Variants in KLHDC4 observed in about 807,000 individuals in gnomAD.
KLHDC4 encodes kelch domain-containing protein 4.
In KLHDC4, 90 loss-of-function variants were observed where a neutral mutation model predicts 62.4. The observed-to-expected ratio is 1.44, with a 90% CI of 1.22 to 1.72. The LOEUF (loss-of-function observed/expected upper bound fraction) is 1.72, where lower values mean the gene tolerates loss of function less well. Among genes scored for constraint, KLHDC4 ranks in the 40% most tolerant of loss-of-function variants. KLHDC4 has a pLI of 0.00. For missense variants in KLHDC4, 1,025 were observed against 699.7 expected (o/e 1.47, Z -5.25); for synonymous variants, 386 against 284.4 (o/e 1.36, Z -3.59).
intron 7 of KLHDC4, among the ~76,000 whole-genome samples, chr16:87,720,650 C>T (rs371461333): frequency 2.6e-5 from 4 of 152,360 alleles, no homozygotes; most frequent in East Asian, 1.9e-4. Flanking sequence ...CGCCCAACCA[C>T]GTGTCGCGAG....
intron 7 of KLHDC4, among the ~76,000 whole-genome samples, chr16:87,716,659 G>T (rs755076395): frequency 6.6e-6 from 1 of 152,160 alleles, no homozygotes; most frequent in African/African-American, 2.4e-5. Flanking sequence ...GGCCGGGCAC[G>T]GTGGCTTACA....
intron 6 of KLHDC4, among the ~76,000 whole-genome samples, chr16:87,728,672 T>C (rs558970723): frequency 1.3e-5 from 2 of 152,164 alleles, no homozygotes; most frequent in Non-Finnish European, 2.9e-5. Context: ...TTATTTGTTT[T>C]AAAATAAATT....
intron 5 of KLHDC4, 114 bp downstream of exon 5, chr16:87,748,559 T>C (rs2043397824): frequency 4.4e-6 from 6 of 1,356,438 alleles, no homozygotes; most frequent in Non-Finnish European, 6.1e-6. Context: ...TCCAGGACTG[T>C]GACCCAAGTT....
intron 8 of KLHDC4, among the ~76,000 whole-genome samples, chr16:87,713,768 GGCTGTCCCCTAGGTCATC>G (rs1181375223): frequency 6.6e-6 from 1 of 152,186 alleles, no homozygotes. Flanking sequence ...CCATGTAAAG[GGCTGTCCCCTAGGTCATC>G]CCATGTCATC....
chr16:87,732,827 G>A (rs993956700), intron 5 of KLHDC4, among the ~76,000 whole-genome samples: 2 of 151,868 alleles, frequency 1.3e-5, no homozygotes, highest in Non-Finnish European at 2.9e-5. Context: ...GAAAAGGCAG[G>A]TGCAAAGCAA....
At chr16:87,752,725 G>A (rs1318159944) in intron 4 of KLHDC4, among the ~76,000 whole-genome samples, 1 of 152,118 alleles carries the variant, frequency 6.6e-6, no homozygotes, top group Admixed American at 6.5e-5. Context: ...AAGGCAGGCT[G>A]ATCAGCAGTC....
intron 5 of KLHDC4, among the ~76,000 whole-genome samples, chr16:87,745,596 A>T (rs2042918541): frequency 6.6e-6 from 1 of 152,222 alleles, no homozygotes; most frequent in South Asian, 2.1e-4. Context: ...CTTAGCTAAG[A>T]TGCGCTTGGA....
intron 2 of KLHDC4, 94 bp downstream of exon 2, chr16:87,761,855 C>A: frequency 8.6e-7 from 1 of 1,160,922 alleles, no homozygotes; most frequent in Non-Finnish European, 1.3e-6. Flanking sequence ...GTCCCAAGTG[C>A]CTGGTCATTT....
At chr16:87,737,106 CAA>C (rs55787836) in intron 5 of KLHDC4, among the ~76,000 whole-genome samples, 1 of 64,830 alleles carries the variant, frequency 1.5e-5, no homozygotes. Context: ...GCCTGGGCGA[CAA>C]AAAAAAAAAA....
At chr16:87,765,286 T>A (rs943054900) in intron 1 of KLHDC4, 4 of 455,994 alleles carry the variant, frequency 8.8e-6, no homozygotes, top group African/African-American at 8.0e-5. Flanking sequence ...AGTGCCTTCT[T>A]CACTTAACCA....
chr16:87,739,373 C>T (rs997316724), intron 5 of KLHDC4, among the ~76,000 whole-genome samples: 1 of 138,812 alleles, frequency 7.2e-6, no homozygotes, highest in African/African-American at 2.7e-5. Context: ...CATCCACACA[C>T]CAGCACGTCA....
intron 8 of KLHDC4, among the ~76,000 whole-genome samples, chr16:87,713,826 G>A (rs958951772): frequency 2.6e-5 from 4 of 152,278 alleles, no homozygotes; most frequent in East Asian, 1.9e-4. Flanking sequence ...AATGATGATT[G>A]TTCCCCTGTG....
rs531032187 is a variant in KLHDC4 at position 87,760,539 on chromosome 16, A to G, written c.191+1410T>C. 5.4e-5 allele frequency among the ~76,000 whole-genome samples: 8 copies of G among 148,476 alleles called. No individual in the cohort carries two copies. The East Asian group carries it at 1.4e-3, about 27-fold the overall frequency. ...GGAGAATGGCGTGAACCCGGGAGGC[A>G]GAGCTTGCAGTGAACCAAGATGGCG... On this transcript the variant is annotated intron_variant, in intron 2 of 11. Coordinates refer to ENST00000270583, the MANE Select transcript of KLHDC4 (RefSeq NM_017566.4).
rs759528045 is a variant in KLHDC4 at position 87,761,225 on chromosome 16, C to G, written c.191+724G>C. Among the ~76,000 whole-genome samples the G allele has an allele frequency of 8.5e-5, 13 of 152,294 alleles. No homozygotes were observed. The South Asian group carries it at 2.7e-3, about 32-fold the overall frequency. On this transcript the variant is annotated intron_variant, in intron 2 of 11. Coordinates refer to ENST00000270583, the MANE Select transcript of KLHDC4 (RefSeq NM_017566.4). ...GGGCTGATCACCGTGCTCCTCCCAC[C>G]TCTGGGCAGGTGATGATAACCCTGC...
intron 5 of KLHDC4, among the ~76,000 whole-genome samples, chr16:87,743,435 T>C (rs1376998825): frequency 6.6e-6 from 1 of 152,016 alleles, no homozygotes; most frequent in Non-Finnish European, 1.5e-5. Context: ...TAAACTTGAC[T>C]GAATATTAAA....
At chr16:87,756,941 G>T (rs2045042523) in intron 2 of KLHDC4, among the ~76,000 whole-genome samples, 1 of 151,846 alleles carries the variant, frequency 6.6e-6, no homozygotes, top group Non-Finnish European at 1.5e-5. Flanking sequence ...AGCCCTCCGA[G>T]TGGCTGGGAT....
chr16:87,716,697 G>C (rs781382578), intron 7 of KLHDC4, among the ~76,000 whole-genome samples: 1 of 152,150 alleles, frequency 6.6e-6, no homozygotes, highest in Non-Finnish European at 1.5e-5. Context: ...TCAGGAGGCC[G>C]AGGGGGGTAG....
In KLHDC4 at chr16:87,711,289, G is replaced by A. The variant is rs142581518; in HGVS notation, c.990C>T (p.Asn330=). 23 of 1,614,010 alleles carry A rather than the reference G, an allele frequency of 1.4e-5. No homozygotes were observed. Among genetic ancestry groups the A allele is most frequent in the African/African-American group, 1.1e-4 (8 of 74,938 alleles). Residue 330 remains asparagine (N), a synonymous_variant, in exon 9 of 12, where the codon AAC becomes AAT. Coordinates refer to ENST00000270583, the MANE Select transcript of KLHDC4 (RefSeq NM_017566.4). ...EEESLSGEFF[N]DLYFYDATRN... ...TGGTGGCGTCGTAGAAGTACAGATC[G>A]TTGAAGAACTCGCCCGACAGGCTCT...
At chr16:87,728,161 G>A (rs1567719867) in intron 6 of KLHDC4, among the ~76,000 whole-genome samples, 1 of 152,150 alleles carries the variant, frequency 6.6e-6, no homozygotes, top group Non-Finnish European at 1.5e-5. Context: ...CTCCAGCCTG[G>A]GCGATCGAGT....
Sources: gnomAD v4.1 joint callset for allele counts (sites outside exome capture counted in the v4.1 genomes callset) on GRCh38, gnomAD v4.1.1 for gene constraint, MANE v1.5 for transcripts, NCBI Gene and HGNC (gene_info 2026-07-23, HGNC 2026-07-21) for gene names.